Variants in CCNT1 observed in about 807,000 individuals in gnomAD.
The protein encoded by CCNT1 is cyclin T1, also known as cyclin-T1.
In CCNT1, 18 loss-of-function variants were observed where a neutral mutation model predicts 67.3. The observed-to-expected ratio is 0.27, with a 90% CI of 0.18 to 0.40. The LOEUF (loss-of-function observed/expected upper bound fraction) is 0.40. Among genes scored for constraint, CCNT1 ranks in the 10% least tolerant of loss-of-function variants. The pLI is 1.00. For missense variants in CCNT1, 744 were observed against 884.9 expected (o/e 0.84, Z 2.02); for synonymous variants, 333 against 310.3 (o/e 1.07, Z -0.77).
chr12:48,711,391 A>C (rs1460388373), intron 2 of CCNT1, among the ~76,000 whole-genome samples: 1 of 152,022 alleles, frequency 6.6e-6, no homozygotes, highest in Non-Finnish European at 1.5e-5. Flanking sequence ...AAAATAAATA[A>C]ATAAATATAT....
intron 2 of CCNT1, among the ~76,000 whole-genome samples, chr12:48,710,603 G>C (rs1940433990): frequency 6.6e-6 from 1 of 152,222 alleles, no homozygotes; most frequent in East Asian, 1.9e-4. Context: ...GCAACAGAGC[G>C]AGATCTCCCG....
Position 48,698,175 on chromosome 12 carries a change from C to G in CCNT1, c.505G>C (p.Asp169His). ...ATGAAGTAAGAAGTCTGTGCTAAGT[C>G]CTTGCTTGCTAAAGAAAAAAAAAAA... ...KCTQLVRASK[D>H]LAQTSYFMAT... is the part of the protein sequence containing the mutation. The change falls in exon 6 of 9, where the codon GAC becomes CAC. Residue 169 changes from aspartate to histidine, a missense_variant. This residue lies in a region of CCNT1 where 142 missense variants were observed against 277.0 expected (regional missense o/e 0.51). Transcript: ENST00000261900. 1.4e-6 allele frequency: 2 copies of G among 1,419,820 alleles called. No individual in the cohort carries two copies. Among genetic ancestry groups the G allele is most frequent in the Non-Finnish European group, 1.9e-6 (2 of 1,049,986 alleles). 88.0% of individuals were successfully genotyped at this position (1,419,820 alleles called of 1,614,324 possible).
At chr12:48,706,650 C>G (rs144642396) in intron 2 of CCNT1, among the ~76,000 whole-genome samples, 9 of 152,206 alleles carry the variant, frequency 5.9e-5, no homozygotes, top group Middle Eastern at 3.4e-3. Context: ...TAGAACTTTT[C>G]TTGAATATTA....
chr12:48,708,279 G>A (rs1940395413), intron 2 of CCNT1, among the ~76,000 whole-genome samples: 1 of 151,972 alleles, frequency 6.6e-6, no homozygotes, highest in Admixed American at 6.6e-5. Flanking sequence ...GGGCGTGGTG[G>A]CTCACGCCTG....
At chr12:48,696,394 T>A in intron 6 of CCNT1, among the ~76,000 whole-genome samples, 2 of 143,308 alleles carry the variant, frequency 1.4e-5, no homozygotes, top group African/African-American at 2.6e-5. Flanking sequence ...GAATTACACA[T>A]CACTTAATCT....
rs11320347 is a variant in CCNT1 at position 48,713,200 on chromosome 12, CTT to C, written c.243+1241_243+1242del. ...CTGTTCTTTGTAAAATTTTTTTTACCTTTTTTTTTTTTTTTGTAGAAACGGGG... is the reference window on the plus strand; with the variant it reads ...CTGTTCTTTGTAAAATTTTTTTTACCTTTTTTTTTTTTTGTAGAAACGGGG... On this transcript the variant is annotated intron_variant, in intron 2 of 8. Transcript: ENST00000261900. Among the ~76,000 whole-genome samples, 190 of 134,774 alleles carry C rather than the reference CTT, an allele frequency of 1.4e-3. 1 individual carries two copies. The highest frequency in any genetic ancestry group is 3.7e-3 in the Middle Eastern group (1 of 268). 88.4% of individuals were successfully genotyped at this position (134,774 alleles called of 152,430 possible).
chr12:48,694,901 T>C (rs1940144613), intron 8 of CCNT1, among the ~76,000 whole-genome samples: 1 of 152,126 alleles, frequency 6.6e-6, no homozygotes, highest in African/African-American at 2.4e-5. Context: ...CTCGGCTCAC[T>C]GCAACCTAAC....
chr12:48,695,252 C>G (rs1045948663), intron 8 of CCNT1, among the ~76,000 whole-genome samples: 4 of 152,094 alleles, frequency 2.6e-5, no homozygotes, highest in African/African-American at 9.7e-5. Context: ...CATTTTAAAA[C>G]AAGTTTTATA....
In CCNT1 at chr12:48,692,818, A is replaced by G; in HGVS notation, c.*215T>C. On this transcript the variant is annotated 3_prime_UTR_variant, in exon 9 of 9. Transcript: ENST00000261900. The stretch of plus-strand genomic sequence containing the variant: ...TCCTTCACAGCTTCAACACCTCTCT[A>G]ATACCAGTAAAAACTGTAAGAAAAT... 2.0e-6 allele frequency: 1 copy of G among 498,406 alleles called. No homozygotes were observed. Among genetic ancestry groups the G allele is most frequent in the Non-Finnish European group, 3.6e-6 (1 of 279,342 alleles). The allele number at this position is 498,406 out of a possible 1,614,324, so 30.9% of individuals were successfully genotyped here. A position where few individuals can be genotyped will look rare whatever the true frequency, so the allele number is the denominator to read the frequency against.
At position 48,694,130 on chromosome 12, in the gene CCNT1, G is replaced by C. The variant is rs764560553; in HGVS notation, c.1084C>G (p.His362Asp). 105 of 1,614,064 alleles carry C rather than the reference G, an allele frequency of 6.5e-5. No individual in the cohort carries two copies. The Middle Eastern group carries it at 9.9e-4, about 15-fold the overall frequency. Reference protein sequence around the residue: ...SENLALTGVDHSLPQDGSNAF... With the variant: ...SENLALTGVDDSLPQDGSNAF... Reference sequence around the variant, plus strand: ...TTTGAACCATCCTGTGGTAAGGAATGATCAACTCCTGTAAGTGCTAAATTC... The same window carrying C: ...TTTGAACCATCCTGTGGTAAGGAATCATCAACTCCTGTAAGTGCTAAATTC... Residue 362 changes from histidine (H) to aspartate (D), a missense_variant, in exon 9 of 9, where the codon CAT (histidine) becomes GAT (aspartate). Coordinates refer to ENST00000261900, the MANE Select transcript of CCNT1 (RefSeq NM_001240.4).
chr12:48,698,922 C>T (rs928633011), intron 5 of CCNT1, among the ~76,000 whole-genome samples: 1 of 151,328 alleles, frequency 6.6e-6, no homozygotes, highest in Admixed American at 6.6e-5. Flanking sequence ...TGCTACTGCA[C>T]TCCACCCTGG....
chr12:48,692,764 G>A lies in CCNT1; in HGVS notation c.*269C>T, dbSNP rs897547796. The A allele has an allele frequency of 4.7e-5, 15 of 320,294 alleles. No individual in the cohort carries two copies. The highest frequency in any genetic ancestry group is 9.2e-4 in the Middle Eastern group (1 of 1,092). The allele number at this position is 320,294 out of a possible 1,614,324, so 19.8% of individuals were successfully genotyped here. ...CCAATCAACCTAATTAGATGGTGGA[G>A]AGGCCAAGAATTCAGAATGTGTCCT... On this transcript the variant is annotated 3_prime_UTR_variant, in exon 9 of 9. Coordinates refer to ENST00000261900, the MANE Select transcript of CCNT1 (RefSeq NM_001240.4).
intron 3 of CCNT1, among the ~76,000 whole-genome samples, chr12:48,705,104 A>T (rs2137236540): frequency 6.6e-6 from 1 of 152,262 alleles, no homozygotes; most frequent in African/African-American, 2.4e-5. Context: ...AACAAATACA[A>T]AACTTTCGCC....
At chr12:48,716,463 C>G (rs1940534569) in intron 1 of CCNT1, 52 bp downstream of exon 1, 8 of 1,522,672 alleles carry the variant, frequency 5.3e-6, no homozygotes, top group Non-Finnish European at 6.2e-6. Context: ...ACCCGGACGC[C>G]AGAGCATGGC....
chr12:48,709,630 G>T (rs1003638385), intron 2 of CCNT1, among the ~76,000 whole-genome samples: 1 of 152,066 alleles, frequency 6.6e-6, no homozygotes, highest in African/African-American at 2.4e-5. Flanking sequence ...ATAATAAAGG[G>T]AAGTATGGAA....
rs759127329 is a variant in CCNT1, at chr12:48,716,649, G to A, written c.27C>T (p.Asn9=). Reference sequence around the variant, plus strand: ...GTTCTCGAGTGAAATACCACCGTTTGTTGTTGTTCTTCCTCTCTCCCTCCA... The same window carrying A: ...GTTCTCGAGTGAAATACCACCGTTTATTGTTGTTCTTCCTCTCTCCCTCCA... MEGERKNN[N]KRWYFTREQL... is the part of the protein sequence containing the mutation. Residue 9 remains asparagine, a synonymous_variant, in exon 1 of 9, where the codon AAC becomes AAT. Coordinates refer to ENST00000261900, the MANE Select transcript of CCNT1 (RefSeq NM_001240.4). 1.2e-6 allele frequency: 2 copies of A among 1,614,138 alleles called. No individual in the cohort carries two copies. The highest frequency in any genetic ancestry group is 8.5e-7 in the Non-Finnish European group (1 of 1,180,010).
At position 48,691,139 on chromosome 12, in the gene CCNT1, T is replaced by C. The variant is rs1940065806; in HGVS notation, c.*1894A>G. 1 of 152,176 alleles carries C rather than the reference T, an allele frequency of 6.6e-6. No individual in the cohort carries two copies. Among genetic ancestry groups the C allele is most frequent in the African/African-American group, 2.4e-5 (1 of 41,440 alleles). 9.4% of individuals were successfully genotyped at this position (152,176 alleles called of 1,614,324 possible). A position where few individuals can be genotyped will look rare whatever the true frequency, so the allele number is the denominator to read the frequency against. ...GAGCTCCTCGTTTTATACCCAGCAA[T>C]GGCAGGAACTCTAGACAGTTCAAAT... is the stretch of plus-strand genomic sequence containing the variant. On this transcript the variant is annotated 3_prime_UTR_variant, in exon 9 of 9. Coordinates refer to ENST00000261900, the MANE Select transcript of CCNT1 (RefSeq NM_001240.4).
At chr12:48,714,126 T>G (rs1205123047) in intron 2 of CCNT1, among the ~76,000 whole-genome samples, 1 of 152,202 alleles carries the variant, frequency 6.6e-6, no homozygotes, top group Non-Finnish European at 1.5e-5. Flanking sequence ...CAGGCTGGTT[T>G]TGAACTCCTG....
At chr12:48,694,996 G>C (rs180673471) in intron 8 of CCNT1, among the ~76,000 whole-genome samples, 1 of 152,126 alleles carries the variant, frequency 6.6e-6, no homozygotes, top group Non-Finnish European at 1.5e-5. Context: ...GCTAATTTTT[G>C]TATTTTTAGT....
Sources: allele counts gnomAD v4.1 joint callset (sites outside exome capture counted in the v4.1 genomes callset), GRCh38; gene constraint gnomAD v4.1.1; regional missense constraint gnomAD v4.1.1; transcripts MANE v1.5; gene names NCBI Gene and HGNC (gene_info 2026-07-23, HGNC 2026-07-21).